RABGAP1: variants seen among roughly 807,000 people sequenced by gnomAD.
RABGAP1 encodes the protein rab GTPase-activating protein 1.
A neutral mutation model predicts 137.6 loss-of-function variants in RABGAP1; 23 were observed. That is an observed-to-expected ratio of 0.17 (90% CI 0.12 to 0.24). The LOEUF is 0.24. RABGAP1 is among the 10% of genes least tolerant of loss of function. The probability of loss-of-function intolerance (pLI) is 1.00; values close to 1 mark genes in which losing one functional copy is unlikely to be tolerated. For missense variants in RABGAP1, 906 were observed against 1,275.8 expected (o/e 0.71, Z 4.42); for synonymous variants, 451 against 450.7 (o/e 1.00, Z -0.01).
chr9:123,012,355 T>C (rs763771929), intron 11 of RABGAP1, among the ~76,000 whole-genome samples: 2 of 152,222 alleles, frequency 1.3e-5, no homozygotes, highest in African/African-American at 2.4e-5. Flanking sequence ...TTTCCTCTCT[T>C]AACACTCAGC....
At chr9:123,053,505 T>A (rs1162284718) in intron 13 of RABGAP1, among the ~76,000 whole-genome samples, 3 of 152,246 alleles carry the variant, frequency 2.0e-5, no homozygotes, top group Non-Finnish European at 4.4e-5. Context: ...TAGGGGATTT[T>A]AAAAACTTAG....
intron 2 of RABGAP1, among the ~76,000 whole-genome samples, chr9:122,983,195 A>G (rs150873235): frequency 1.3e-5 from 2 of 152,248 alleles, no homozygotes; most frequent in Non-Finnish European, 2.9e-5. Context: ...AACTTTTTAA[A>G]GCAGAACTTC....
intron 3 of RABGAP1, among the ~76,000 whole-genome samples, chr9:122,985,229 A>G (rs114830437): frequency 1.6e-3 from 249 of 152,360 alleles, no homozygotes; most frequent in African/African-American, 5.2e-3. Flanking sequence ...TATAGATGTT[A>G]TTGGGAAAGG....
Position 123,103,384 on chromosome 9 carries a change from G to T in RABGAP1, c.*171G>T. On this transcript the variant is annotated 3_prime_UTR_variant, in exon 26 of 26. Coordinates refer to ENST00000373647, the MANE Select transcript of RABGAP1 (RefSeq NM_012197.4). ...AGAGCTTGTGAAGCAGGCAACCTCT[G>T]GGGTAAGACTACTGATACTAACAGG... 2.1e-6 allele frequency: 2 copies of T among 972,998 alleles called. No homozygotes were observed. The highest frequency in any genetic ancestry group is 2.9e-6 in the Non-Finnish European group (2 of 679,016). The allele number at this position is 972,998 out of a possible 1,614,324, so 60.3% of individuals were successfully genotyped here. A position where few individuals can be genotyped will look rare whatever the true frequency, so the allele number is the denominator to read the frequency against.
intron 13 of RABGAP1, among the ~76,000 whole-genome samples, chr9:123,050,263 A>G (rs1395741022): frequency 1.3e-5 from 2 of 152,232 alleles, no homozygotes; most frequent in African/African-American, 4.8e-5. Context: ...ATGTATTTAA[A>G]TGTATAGAGA....
At chr9:122,952,069 T>A (rs146361023) in intron 1 of RABGAP1, among the ~76,000 whole-genome samples, 1 of 151,950 alleles carries the variant, frequency 6.6e-6, no homozygotes, top group East Asian at 1.9e-4. Flanking sequence ...AGTGAAAGAG[T>A]AGCTATAATG....
chr9:122,991,340 C>T (rs1183753767), intron 6 of RABGAP1, among the ~76,000 whole-genome samples: 1 of 152,070 alleles, frequency 6.6e-6, no homozygotes, highest in Non-Finnish European at 1.5e-5. Context: ...AGTCTGTTTC[C>T]TCCATGACTA....
intron 1 of RABGAP1, among the ~76,000 whole-genome samples, chr9:122,945,147 C>CTGTTTTTTTTTTTTTTTTTTTTTTTTTTT (rs1833872306): frequency 1.3e-5 from 1 of 75,772 alleles, no homozygotes; most frequent in Non-Finnish European, 2.9e-5. Context: ...ATAGCTGTTG[C>CTGTTTTTTTTTTTTTTTTTTTTTTTTTTT]TTTTTTTTTT....
At chr9:122,955,711 A>G (rs1834482634) in intron 1 of RABGAP1, among the ~76,000 whole-genome samples, 1 of 152,094 alleles carries the variant, frequency 6.6e-6, no homozygotes, top group Non-Finnish European at 1.5e-5. Flanking sequence ...ATACTCAGGG[A>G]TTGTGTAGTT....
intron 19 of RABGAP1, among the ~76,000 whole-genome samples, chr9:123,084,834 G>T (rs1053780857): frequency 6.6e-6 from 1 of 152,210 alleles, no homozygotes; most frequent in East Asian, 1.9e-4. Flanking sequence ...GATTTTTACA[G>T]ATGAGGAAAT....
At chr9:122,987,165 GA>G (rs1375378699) in intron 4 of RABGAP1, among the ~76,000 whole-genome samples, 1 of 152,010 alleles carries the variant, frequency 6.6e-6, no homozygotes, top group Non-Finnish European at 1.5e-5. Context: ...AAAAAGATGA[GA>G]AAACTGAGGC....
intron 3 of RABGAP1, among the ~76,000 whole-genome samples, 174 bp downstream of exon 3, chr9:122,984,893 A>T (rs1310338845): frequency 6.6e-6 from 1 of 152,220 alleles, no homozygotes; most frequent in African/African-American, 2.4e-5. Context: ...AGGAGTAAAA[A>T]TATATATACC....
At chr9:123,086,041 AC>A (rs1336122690) in intron 19 of RABGAP1, among the ~76,000 whole-genome samples, 1 of 152,226 alleles carries the variant, frequency 6.6e-6, no homozygotes, top group African/African-American at 2.4e-5. Context: ...GGGAAGACAG[AC>A]AATTAAGTAG....
intron 13 of RABGAP1, among the ~76,000 whole-genome samples, chr9:123,040,009 A>G (rs1289366372): frequency 1.3e-5 from 2 of 152,136 alleles, no homozygotes; most frequent in African/African-American, 4.8e-5. Context: ...GCTTTTAGGG[A>G]AAGTTTAAGC....
chr9:122,984,426 T>A, intron 2 of RABGAP1, 59 bp from the exon 3 acceptor site: 1 of 1,392,604 alleles, frequency 7.2e-7, no homozygotes, highest in Non-Finnish European at 1.0e-6. Flanking sequence ...TGAACCCATT[T>A]TAATCAATAC....
intron 13 of RABGAP1, among the ~76,000 whole-genome samples, chr9:123,056,639 G>T (rs914213735): frequency 6.6e-6 from 1 of 151,708 alleles, no homozygotes; most frequent in African/African-American, 2.4e-5. Context: ...CTTCCGCAGT[G>T]TTTGTGTCCC....
At chr9:123,003,232 T>C (rs545514889) in intron 10 of RABGAP1, among the ~76,000 whole-genome samples, 15 of 152,348 alleles carry the variant, frequency 9.8e-5, no homozygotes, top group Non-Finnish European at 1.9e-4. Flanking sequence ...CTTAGGTAGT[T>C]TTCACAGTGA....
chr9:123,084,392 AC>A (rs1359137897), intron 19 of RABGAP1, among the ~76,000 whole-genome samples: 2 of 152,202 alleles, frequency 1.3e-5, no homozygotes, highest in African/African-American at 4.8e-5. Context: ...TCCTTAATGT[AC>A]CAGACTCTTT....
rs749070940 is a variant in RABGAP1 at position 123,097,884 on chromosome 9, C to G, written c.2733+39C>G. 3.2e-6 allele frequency: 5 copies of G among 1,557,952 alleles called. No individual in the cohort carries two copies. The Admixed American group carries it at 7.6e-5, about 24-fold the overall frequency. On this transcript the variant is annotated intron_variant, in intron 22 of 25. Coordinates refer to ENST00000373647, the MANE Select transcript of RABGAP1 (RefSeq NM_012197.4). ...CCCACATTCCTCTGTCTTGCAAATGCTTGAGAACTGGGAGTTCAGCTGGTG... is the reference window on the plus strand; with the variant it reads ...CCCACATTCCTCTGTCTTGCAAATGGTTGAGAACTGGGAGTTCAGCTGGTG...
Sources: allele counts gnomAD v4.1 joint callset (sites outside exome capture counted in the v4.1 genomes callset), GRCh38; gene constraint gnomAD v4.1.1; transcripts MANE v1.5; gene names NCBI Gene and HGNC (gene_info 2026-07-23, HGNC 2026-07-21).